Variants in DISP2 observed in about 807,000 individuals in gnomAD.
DISP2 encodes dispatched RND transporter family member 2.
Under a neutral mutation model 95.5 loss-of-function variants are expected in DISP2, and 59 were observed. That is an observed-to-expected ratio of 0.62 (90% CI 0.50 to 0.77). The LOEUF is 0.77. Ranked by LOEUF, DISP2 falls within the 30% of genes least tolerant of loss-of-function variation. The probability of loss-of-function intolerance (pLI) is 0.00; values close to 1 mark genes in which losing one functional copy is unlikely to be tolerated. For synonymous variants in DISP2, 827 were observed against 815.0 expected, an observed-to-expected ratio of 1.01 and a Z score of -0.25; for missense variants, 1,752 against 1,854.6, an observed-to-expected ratio of 0.94 and a Z score of 1.02.
rs2141265996 is a variant in DISP2 at position 40,374,170 on chromosome 15, C to G, written c.*3852C>G. The G allele has an allele frequency of 6.6e-6, 1 of 150,950 alleles. No individual in the cohort carries two copies. The highest frequency in any genetic ancestry group is 2.1e-4 in the South Asian group (1 of 4,788). 9.4% of individuals were successfully genotyped at this position (150,950 alleles called of 1,614,324 possible). On this transcript the variant is annotated 3_prime_UTR_variant, in exon 8 of 8. Coordinates refer to ENST00000267889, the MANE Select transcript of DISP2 (RefSeq NM_033510.3). Reference sequence around the variant, plus strand: ...AGATTTTACTGATATATAGCATATCCCATACCATGATATGCGGGCAATATT... The same window carrying G: ...AGATTTTACTGATATATAGCATATCGCATACCATGATATGCGGGCAATATT...
chr15:40,371,825 C>T lies in DISP2; in HGVS notation c.*1507C>T, dbSNP rs576499589. 1 of 152,174 alleles carries T rather than the reference C, an allele frequency of 6.6e-6. No homozygotes were observed. 9.4% of individuals were successfully genotyped at this position (152,174 alleles called of 1,614,324 possible). A position where few individuals can be genotyped will look rare whatever the true frequency, so the allele number is the denominator to read the frequency against. ...TGTGGAAGAAAAATTGAACACCACC[C>T]TCAAAGAGCTCACCTTCTAGCTGGG... is the stretch of plus-strand genomic sequence containing the variant. On this transcript the variant is annotated 3_prime_UTR_variant, in exon 8 of 8. Coordinates refer to ENST00000267889, the MANE Select transcript of DISP2 (RefSeq NM_033510.3).
chr15:40,362,110 C>G (rs976373531), intron 1 of DISP2, among the ~76,000 whole-genome samples: 4 of 152,154 alleles, frequency 2.6e-5, no homozygotes, highest in Non-Finnish European at 5.9e-5. Context: ...TGGGAGAAGA[C>G]TCTTGCTAAC....
rs1468724643 is a variant in DISP2, at chr15:40,375,593, C to T, written c.*5275C>T. 1 of 151,712 alleles carries T rather than the reference C, an allele frequency of 6.6e-6. No individual in the cohort carries two copies. The highest frequency in any genetic ancestry group is 1.5e-5 in the Non-Finnish European group (1 of 67,968). The allele number at this position is 151,712 out of a possible 1,614,324, so 9.4% of individuals were successfully genotyped here. On this transcript the variant is annotated 3_prime_UTR_variant, in exon 8 of 8. Coordinates refer to ENST00000267889, the MANE Select transcript of DISP2 (RefSeq NM_033510.3). ...TGAAGCCTTCAAATAGAAATTTCCT[C>T]ACCTTCAAGGCACCAAAGCCACAAC...
chr15:40,366,459 C>G (rs1889498448), intron 7 of DISP2, among the ~76,000 whole-genome samples: 4 of 152,244 alleles, frequency 2.6e-5, no homozygotes, highest in Admixed American at 6.5e-5. Context: ...CCACCATGAT[C>G]TCAGGCCCAA....
intron 7 of DISP2, 119 bp from the exon 8 acceptor site, chr15:40,366,939 G>A: frequency 7.5e-7 from 1 of 1,341,964 alleles, no homozygotes; most frequent in Non-Finnish European, 1.0e-6. Flanking sequence ...AGGCTGTCAA[G>A]ATCCCTCTCT....
At position 40,358,288 on chromosome 15, in the gene DISP2, C is replaced by CACCA; in HGVS notation, c.-33_-30dup. On this transcript the variant is annotated 5_prime_UTR_variant, in exon 1 of 8. Coordinates refer to ENST00000267889, the MANE Select transcript of DISP2 (RefSeq NM_033510.3). The stretch of plus-strand genomic sequence containing the variant: ...GCCGCCGCCGCCGCCGCGGCTTCAG[C>CACCA]ACCAGCGCCCGGACAGCGGTGCCGC... 8.0e-7 allele frequency: 1 copy of CACCA among 1,253,630 alleles called. No homozygotes were observed. 77.7% of individuals were successfully genotyped at this position (1,253,630 alleles called of 1,614,324 possible).
chr15:40,366,063 A>G (rs1889493615), intron 7 of DISP2, among the ~76,000 whole-genome samples: 1 of 152,254 alleles, frequency 6.6e-6, no homozygotes, highest in Non-Finnish European at 1.5e-5. Context: ...GCCCCCATCA[A>G]CCTGAGCAGT....
At position 40,377,708 on chromosome 15, in the gene DISP2, C is replaced by T. The variant is rs1469405705; in HGVS notation, c.*7390C>T. The T allele has an allele frequency of 1.3e-5, 2 of 152,300 alleles. No individual in the cohort carries two copies. Among genetic ancestry groups the T allele is most frequent in the African/African-American group, 4.8e-5 (2 of 41,424 alleles). The allele number at this position is 152,300 out of a possible 1,614,324, so 9.4% of individuals were successfully genotyped here. A position where few individuals can be genotyped will look rare whatever the true frequency, so the allele number is the denominator to read the frequency against. ...GAATTCTGGGGATCTGCAAAGGGCC[C>T]CCCTTGAGTGTTCCACAGAGCATGA... On this transcript the variant is annotated 3_prime_UTR_variant, in exon 8 of 8. Transcript: ENST00000267889.
In DISP2 at chr15:40,368,568, C is replaced by T. The variant is rs1417316825; in HGVS notation, c.2456C>T (p.Ala819Val). 5 of 1,604,164 alleles carry T rather than the reference C, an allele frequency of 3.1e-6. No homozygotes were observed. The Admixed American group carries it at 5.0e-5, about 16-fold the overall frequency. ...TGGCTGCTGGCACTCTGTCACCGGG[C>T]CCGGAATCAGAGCTTCTTCGACACC... Reference protein sequence around the residue: ...QRWLLALCHRARNQSFFDTLQ... With the variant: ...QRWLLALCHRVRNQSFFDTLQ... The change falls in exon 8 of 8, where the codon GCC (alanine) becomes GTC (valine). Residue 819 changes from alanine to valine, a missense_variant. Ala to Val is a moderately conservative substitution (Grantham distance 64). Transcript: ENST00000267889.
rs1015238715 is a variant in DISP2, at chr15:40,370,218, C to T, written c.4106C>T (p.Pro1369Leu). Reference sequence around the variant, plus strand: ...TTGTCCTGGAAGGGCCGAGGGGGGCCAGGGGATGGCAGCCCTGTGGTGCTG... The same window carrying T: ...TTGTCCTGGAAGGGCCGAGGGGGGCTAGGGGATGGCAGCCCTGTGGTGCTG... ...SSLSWKGRGGPGDGSPVVLPN... is the reference protein window; with the variant it reads ...SSLSWKGRGGLGDGSPVVLPN... The change falls in exon 8 of 8, where the codon CCA becomes CTA. Residue 1369 changes from proline to leucine, a missense_variant. Pro to Leu is a moderately conservative substitution (Grantham distance 98). This residue lies in a region of DISP2 where 347 missense variants were observed against 344.2 expected (regional missense o/e 1.01). Transcript: ENST00000267889. 7.8e-5 allele frequency: 125 copies of T among 1,607,322 alleles called. No homozygotes were observed. Among genetic ancestry groups the T allele is most frequent in the Non-Finnish European group, 1.0e-4 (121 of 1,177,272 alleles).
rs1222278600 is a variant in DISP2, at chr15:40,367,192, C to T, written c.1080C>T (p.Asp360=). ...CCTGCCTGGACACTACCCAAGCTGACGCAGCCCGCACACTGGCCCTGCTTC... is the reference window on the plus strand; with the variant it reads ...CCTGCCTGGACACTACCCAAGCTGATGCAGCCCGCACACTGGCCCTGCTTC... ...RSSCLDTTQA[D]AARTLALLRT... Residue 360 remains aspartate (D), a synonymous_variant, in exon 8 of 8, where the codon GAC becomes GAT. Coordinates refer to ENST00000267889, the MANE Select transcript of DISP2 (RefSeq NM_033510.3). 1.1e-5 allele frequency: 18 copies of T among 1,613,904 alleles called. No individual in the cohort carries two copies. In the East Asian group the frequency reaches 2.0e-4, roughly 18 times the overall value.
Position 40,358,259 on chromosome 15 carries a change from C to CACCGCT in DISP2, c.-63_-62insACCGCT. Reference sequence around the variant, plus strand: ...CCGCCGCCGCTGCCGCCGCCACCGCCGCCGCCGCCGCCGCCGCCGCGGCTT... The same window carrying CACCGCT: ...CCGCCGCCGCTGCCGCCGCCACCGCCACCGCTGCCGCCGCCGCCGCCGCCGCGGCTT... On this transcript the variant is annotated 5_prime_UTR_variant, in exon 1 of 8. Transcript: ENST00000267889. The CACCGCT allele has an allele frequency of 8.7e-7, 1 of 1,151,532 alleles. No individual in the cohort carries two copies. Among genetic ancestry groups the CACCGCT allele is most frequent in the Non-Finnish European group, 1.1e-6 (1 of 933,912 alleles). 71.3% of individuals were successfully genotyped at this position (1,151,532 alleles called of 1,614,324 possible).
chr15:40,366,326 C>T (rs191056387), intron 7 of DISP2, among the ~76,000 whole-genome samples: 2 of 152,306 alleles, frequency 1.3e-5, no homozygotes, highest in Admixed American at 6.5e-5. Context: ...GCTTCATAAG[C>T]GCTAAATGGG....
rs768114606 is a variant in DISP2 at position 40,367,550 on chromosome 15, C to T, written c.1438C>T (p.Leu480=). The T allele has an allele frequency of 4.3e-6, 7 of 1,613,870 alleles. No individual in the cohort carries two copies. The East Asian group carries it at 1.1e-4, about 26-fold the overall frequency. ...TGMDLGLKQE[L]LRHFLVQDTV... is the part of the protein sequence containing the mutation. ...CATGGACCTGGGCCTCAAGCAGGAG[C>T]TGCTGAGGCACTTCCTGGTCCAGGA... Residue 480 remains leucine (L), a synonymous_variant, in exon 8 of 8, where the codon CTG becomes TTG. Coordinates refer to ENST00000267889, the MANE Select transcript of DISP2 (RefSeq NM_033510.3).
In DISP2 at chr15:40,376,453, C is replaced by G. The variant is rs949547592; in HGVS notation, c.*6135C>G. The G allele has an allele frequency of 4.6e-5, 7 of 152,174 alleles. No homozygotes were observed. Among genetic ancestry groups the G allele is most frequent in the Non-Finnish European group, 1.0e-4 (7 of 68,070 alleles). The allele number at this position is 152,174 out of a possible 1,614,324, so 9.4% of individuals were successfully genotyped here. On this transcript the variant is annotated 3_prime_UTR_variant, in exon 8 of 8. Coordinates refer to ENST00000267889, the MANE Select transcript of DISP2 (RefSeq NM_033510.3). ...TGGCCAACATGGCAAAACCCTGTCT[C>G]TACTAAAAATACAAAAATTAGCCGG...
chr15:40,363,958 AG>A lies in DISP2; in HGVS notation c.449+6del. 6.6e-7 allele frequency: 1 copy of A among 1,523,208 alleles called. No individual in the cohort carries two copies. The allele number at this position is 1,523,208 out of a possible 1,614,324, so 94.4% of individuals were successfully genotyped here. On this transcript the variant is annotated splice_donor_5th_base_variant and intron_variant, in intron 2 of 7. Coordinates refer to ENST00000267889, the MANE Select transcript of DISP2 (RefSeq NM_033510.3). ...AGCACCATGTGGTCAGCGTCAGGTA[AG>A]GAGGGGTCCAGCAGCCTGCCAGCTG...
chr15:40,365,660 A>G lies in DISP2; in HGVS notation c.880A>G (p.Thr294Ala), dbSNP rs1220025266. 1 of 1,613,904 alleles carries G rather than the reference A, an allele frequency of 6.2e-7. No individual in the cohort carries two copies. The highest frequency in any genetic ancestry group is 8.5e-7 in the Non-Finnish European group (1 of 1,179,972). The change falls in exon 7 of 8, where the codon ACC becomes GCC. Residue 294 changes from threonine to alanine, a missense_variant. By Grantham distance (58) the Thr-to-Ala change is moderately conservative. Around this residue, in one of 5 missense-constraint regions of DISP2, gnomAD observed 14 missense variants for 36.6 expected, o/e 0.38. Transcript: ENST00000267889. ...KSYAKLVFMS[T>A]SSGSLWNLHA... ...CTATGCAAAGCTGGTGTTCATGTCC[A>G]CCTCCTCGGGCAGCCTATGGAACCT... is the stretch of plus-strand genomic sequence containing the variant.
In DISP2 at chr15:40,369,231, A is replaced by G. The variant is rs762269363; in HGVS notation, c.3119A>G (p.Tyr1040Cys). The G allele has an allele frequency of 1.2e-6, 2 of 1,613,692 alleles. No individual in the cohort carries two copies. Among genetic ancestry groups the G allele is most frequent in the Non-Finnish European group, 8.5e-7 (1 of 1,179,988 alleles). Reference protein sequence around the residue: ...VDFTVNYCISYHLCPHPDRLS... With the variant: ...VDFTVNYCISCHLCPHPDRLS... The stretch of plus-strand genomic sequence containing the variant: ...TTCACTGTCAACTACTGCATCTCCT[A>G]TCACCTGTGCCCACACCCTGACCGC... The change falls in exon 8 of 8, where the codon TAT becomes TGT. Residue 1040 changes from tyrosine to cysteine, a missense_variant. Transcript: ENST00000267889.
In DISP2 at chr15:40,369,559, A is replaced by G; in HGVS notation, c.3447A>G (p.Pro1149=). The G allele has an allele frequency of 6.2e-7, 1 of 1,612,458 alleles. No individual in the cohort carries two copies. The highest frequency in any genetic ancestry group is 8.5e-7 in the Non-Finnish European group (1 of 1,179,994). The change falls in exon 8 of 8, where the codon CCA becomes CCG. Residue 1149 remains proline, a synonymous_variant. Coordinates refer to ENST00000267889, the MANE Select transcript of DISP2 (RefSeq NM_033510.3). ...GGGAGAAGGCAGGCCGCCCACGACC[A>G]GGGTCAGTGGGAGGGATGCCCGGGT... ...PGGEKAGRPR[P]GSVGGMPGSC... is the part of the protein sequence containing the mutation.
Sources: gnomAD v4.1 joint callset for allele counts (sites outside exome capture counted in the v4.1 genomes callset) on GRCh38, gnomAD v4.1.1 for gene constraint, gnomAD v4.1.1 regional missense constraint, MANE v1.5 for transcripts, NCBI Gene and HGNC (gene_info 2026-07-23, HGNC 2026-07-21) for gene names.